DDAH1: variants seen among roughly 807,000 people sequenced by gnomAD.
The protein encoded by DDAH1 is dimethylarginine dimethylaminohydrolase 1.
DDAH1 carries 19 observed loss-of-function variants against 28.8 expected under a neutral mutation model. That is an observed-to-expected ratio of 0.66 (90% CI 0.46 to 0.97). DDAH1 has a LOEUF of 0.97. Among genes scored for constraint, DDAH1 ranks in the 50% least tolerant of loss-of-function variants. DDAH1 has a pLI of 0.00. For synonymous variants in DDAH1, 153 were observed against 154.4 expected (o/e 0.99, Z 0.07); for missense variants, 326 against 375.9 (o/e 0.87, Z 1.10).
At chr1:85,415,005 CTTTTTTT>C (rs71727580) in intron 1 of DDAH1, among the ~76,000 whole-genome samples, 28 of 57,608 alleles carry the variant, frequency 4.9e-4, no homozygotes, top group African/African-American at 1.6e-3. Context: ...TCAAGTGTTG[CTTTTTTT>C]TTTTTTTTTT....
chr1:85,576,954 AGCCGCC>A (rs1159428292), intron 1 of DDAH1: 3 of 142,990 alleles, frequency 2.1e-5, no homozygotes, highest in African/African-American at 5.3e-5. Flanking sequence ...GTCGCAGGAC[AGCCGCC>A]GCCGCCGCCA....
At chr1:85,497,128 G>A (rs1160566488) in intron 1 of DDAH1, among the ~76,000 whole-genome samples, 1 of 152,190 alleles carries the variant, frequency 6.6e-6, no homozygotes, top group Admixed American at 6.5e-5. Context: ...TCTGCTTCTT[G>A]TGAGCTCAGA....
intron 2 of DDAH1, among the ~76,000 whole-genome samples, chr1:85,481,341 G>A (rs140489072): frequency 1.3e-5 from 2 of 152,048 alleles, no homozygotes; most frequent in African/African-American, 4.8e-5. Context: ...CAGGTGATCC[G>A]CCTGCCTCAG....
intron 1 of DDAH1, among the ~76,000 whole-genome samples, chr1:85,513,812 C>T (rs367801908): frequency 4.6e-5 from 7 of 152,340 alleles, no homozygotes; most frequent in African/African-American, 1.4e-4. Context: ...GATACCATCT[C>T]ATGCCAGTTA....
At chr1:85,487,061 T>A (rs1160411038) in intron 2 of DDAH1, among the ~76,000 whole-genome samples, 4 of 152,232 alleles carry the variant, frequency 2.6e-5, no homozygotes, top group Non-Finnish European at 5.9e-5. Flanking sequence ...GGATGTTTAA[T>A]TCGCCAAAGT....
chr1:85,432,036 G>T (rs1411880260), intron 1 of DDAH1, among the ~76,000 whole-genome samples: 1 of 152,070 alleles, frequency 6.6e-6, no homozygotes, highest in East Asian at 1.9e-4. Flanking sequence ...ACAATAAAAG[G>T]GATTTCTAAA....
chr1:85,462,583 G>A (rs1655176126), intron 1 of DDAH1, among the ~76,000 whole-genome samples: 1 of 53,640 alleles, frequency 1.9e-5, no homozygotes, highest in Non-Finnish European at 3.7e-5. Flanking sequence ...CTATCTTCTT[G>A]TATTAGCATT....
At position 85,389,954 on chromosome 1, in the gene DDAH1, G is replaced by A. The variant is rs1401564685; in HGVS notation, c.304-31107C>T. 2.6e-5 allele frequency among the ~76,000 whole-genome samples: 4 copies of A among 152,282 alleles called. No homozygotes were observed. The South Asian group carries it at 8.3e-4, about 32-fold the overall frequency. On this transcript the variant is annotated intron_variant, in intron 1 of 5. Coordinates refer to ENST00000284031, the MANE Select transcript of DDAH1 (RefSeq NM_012137.4). ...AAAAGAATGCATAATCCAAGTTGAC[G>A]ATTCTAGAAGACCTCAACTTCTAAC...
At chr1:85,379,357 C>A (rs1480605397) in intron 1 of DDAH1, among the ~76,000 whole-genome samples, 1 of 152,130 alleles carries the variant, frequency 6.6e-6, no homozygotes, top group Non-Finnish European at 1.5e-5. Context: ...ATAATGGTGC[C>A]CAACTATGCT....
intron 1 of DDAH1, among the ~76,000 whole-genome samples, chr1:85,560,042 A>C (rs1420746579): frequency 6.6e-6 from 1 of 152,140 alleles, no homozygotes; most frequent in African/African-American, 2.4e-5. Context: ...AGTGATAAGG[A>C]GAAAATACCA....
chr1:85,488,984 A>C (rs1009099707), intron 2 of DDAH1, among the ~76,000 whole-genome samples: 2 of 152,232 alleles, frequency 1.3e-5, no homozygotes. Flanking sequence ...TAATAGACAT[A>C]CGCTATGAAA....
chr1:85,362,330 C>T (rs922708181), intron 1 of DDAH1, among the ~76,000 whole-genome samples: 2 of 152,154 alleles, frequency 1.3e-5, no homozygotes, highest in Non-Finnish European at 2.9e-5. Context: ...AGATGTTCCA[C>T]AGGACTCAAA....
At chr1:85,507,852 T>C (rs1161616678) in intron 1 of DDAH1, among the ~76,000 whole-genome samples, 1 of 152,220 alleles carries the variant, frequency 6.6e-6, no homozygotes, top group Non-Finnish European at 1.5e-5. Context: ...GTAGAATATC[T>C]CAAATTCAGA....
chr1:85,558,813 A>G (rs1215382378), intron 1 of DDAH1, among the ~76,000 whole-genome samples: 1 of 152,084 alleles, frequency 6.6e-6, no homozygotes, highest in African/African-American at 2.4e-5. Context: ...CTTTATGTCA[A>G]AATGGGATCT....
chr1:85,456,003 A>C (rs891481174), intron 1 of DDAH1, among the ~76,000 whole-genome samples: 4 of 152,108 alleles, frequency 2.6e-5, no homozygotes, highest in African/African-American at 9.7e-5. Flanking sequence ...TCACAAATGT[A>C]AGTTATCATC....
At chr1:85,450,940 G>C (rs1654645458) in intron 1 of DDAH1, among the ~76,000 whole-genome samples, 1 of 152,178 alleles carries the variant, frequency 6.6e-6, no homozygotes, top group Non-Finnish European at 1.5e-5. Context: ...AGAGGATGAA[G>C]AGAAATTATA....
intron 1 of DDAH1, among the ~76,000 whole-genome samples, chr1:85,556,047 G>C (rs970924077): frequency 5.3e-5 from 8 of 151,756 alleles, no homozygotes; most frequent in Admixed American, 5.2e-4. Flanking sequence ...AACAGGCTGG[G>C]GAGTGCGGCC....
chr1:85,319,205 A>T lies in DDAH1; in HGVS notation c.*2247T>A, dbSNP rs1661223194. 1 of 152,210 alleles carries T rather than the reference A, an allele frequency of 6.6e-6. No homozygotes were observed. Among genetic ancestry groups the T allele is most frequent in the Admixed American group, 6.5e-5 (1 of 15,286 alleles). The allele number at this position is 152,210 out of a possible 1,614,324, so 9.4% of individuals were successfully genotyped here. ...ATCAATCATATAGGGAGTCCAAAGAAGCCAGCCTAGCAGGTAACATAGCAG... is the reference window on the plus strand; with the variant it reads ...ATCAATCATATAGGGAGTCCAAAGATGCCAGCCTAGCAGGTAACATAGCAG... On this transcript the variant is annotated 3_prime_UTR_variant, in exon 6 of 6. Coordinates refer to ENST00000284031, the MANE Select transcript of DDAH1 (RefSeq NM_012137.4).
intron 1 of DDAH1, among the ~76,000 whole-genome samples, chr1:85,453,323 G>C (rs1196735999): frequency 6.6e-6 from 1 of 152,106 alleles, no homozygotes; most frequent in African/African-American, 2.4e-5. Context: ...TGCTCACAAA[G>C]AAAAATGCAG....
Sources: allele counts gnomAD v4.1 joint callset (sites outside exome capture counted in the v4.1 genomes callset), GRCh38; gene constraint gnomAD v4.1.1; transcripts MANE v1.5; gene names NCBI Gene and HGNC (gene_info 2026-07-23, HGNC 2026-07-21).